The following GDAP2 variants were observed in gnomAD, a reference collection of about 807,000 sequenced individuals.
GDAP2 encodes ganglioside induced differentiation associated protein 2, also known as ganglioside-induced differentiation-associated protein 2.
A neutral mutation model predicts 67.0 loss-of-function variants in GDAP2; 51 were observed. That is an observed-to-expected ratio of 0.76 (90% CI 0.61 to 0.96). The LOEUF (loss-of-function observed/expected upper bound fraction) is 0.96. GDAP2 is among the 40% of genes least tolerant of loss of function. The pLI, the probability that GDAP2 is intolerant of heterozygous loss-of-function variation, is 0.00. For missense variants in GDAP2, 547 were observed against 588.3 expected (o/e 0.93, Z 0.73); for synonymous variants, 203 against 207.3 (o/e 0.98, Z 0.18).
In GDAP2 at chr1:117,869,555, T is replaced by C. The variant is rs1230801848; in HGVS notation, c.*1014A>G. ...TGATACCTCTGTGAGGTAGGCAGCATAATTCTAATTTTTACTCATAACCAA... is the reference window on the plus strand; with the variant it reads ...TGATACCTCTGTGAGGTAGGCAGCACAATTCTAATTTTTACTCATAACCAA... On this transcript the variant is annotated 3_prime_UTR_variant, in exon 14 of 14. Transcript: ENST00000369443. 1 of 152,612 alleles carries C rather than the reference T, an allele frequency of 6.6e-6. No individual in the cohort carries two copies. The highest frequency in any genetic ancestry group is 2.4e-5 in the African/African-American group (1 of 41,446). The allele number at this position is 152,612 out of a possible 1,614,324, so 9.5% of individuals were successfully genotyped here.
chr1:117,910,584 T>C (rs2101153149), intron 5 of GDAP2, among the ~76,000 whole-genome samples: 1 of 152,316 alleles, frequency 6.6e-6, no homozygotes, highest in Non-Finnish European at 1.5e-5. Context: ...TACATTCAAA[T>C]ATCTTTTTGG....
chr1:117,884,661 C>G (rs185315577), intron 10 of GDAP2, among the ~76,000 whole-genome samples: 1 of 152,206 alleles, frequency 6.6e-6, no homozygotes, highest in Admixed American at 6.5e-5. Flanking sequence ...GAACCCCATG[C>G]AAGTACACAC....
intron 8 of GDAP2, among the ~76,000 whole-genome samples, chr1:117,889,658 CAAT>C (rs1289462042): frequency 5.9e-5 from 9 of 151,912 alleles, no homozygotes. Context: ...ATAATAGCAA[CAAT>C]AATTTGTTAA....
At chr1:117,875,652 G>A (rs976540614) in intron 13 of GDAP2, among the ~76,000 whole-genome samples, 1 of 152,226 alleles carries the variant, frequency 6.6e-6, no homozygotes, top group East Asian at 1.9e-4. Flanking sequence ...AAGCCATGGG[G>A]GTGGGGGTGC....
In GDAP2 at chr1:117,866,069, A is replaced by G. The variant is rs1648050439; in HGVS notation, c.*4500T>C. Reference sequence around the variant, plus strand: ...GGGTTTATGATATGACCTAGATTATAGGTATGTTATGAACTGAATGCTTAT... The same window carrying G: ...GGGTTTATGATATGACCTAGATTATGGGTATGTTATGAACTGAATGCTTAT... On this transcript the variant is annotated 3_prime_UTR_variant, in exon 14 of 14. Coordinates refer to ENST00000369443, the MANE Select transcript of GDAP2 (RefSeq NM_017686.4). 1 of 152,218 alleles carries G rather than the reference A, an allele frequency of 6.6e-6. No individual in the cohort carries two copies. The highest frequency in any genetic ancestry group is 2.1e-4 in the South Asian group (1 of 4,832). 9.4% of individuals were successfully genotyped at this position (152,218 alleles called of 1,614,324 possible). A position where few individuals can be genotyped will look rare whatever the true frequency, so the allele number is the denominator to read the frequency against.
At chr1:117,896,207 T>TA (rs1649255874) in intron 8 of GDAP2, among the ~76,000 whole-genome samples, 1 of 152,220 alleles carries the variant, frequency 6.6e-6, no homozygotes, top group South Asian at 2.1e-4. Context: ...CCCTATAAGG[T>TA]AATGGATAGT....
At chr1:117,888,424 A>G (rs1417659711) in intron 8 of GDAP2, among the ~76,000 whole-genome samples, 1 of 152,166 alleles carries the variant, frequency 6.6e-6, no homozygotes, top group Non-Finnish European at 1.5e-5. Flanking sequence ...GAGGATGTTA[A>G]AGCTGGAAGA....
At chr1:117,923,978 T>C (rs1000207536) in intron 1 of GDAP2, among the ~76,000 whole-genome samples, 1 of 152,252 alleles carries the variant, frequency 6.6e-6, no homozygotes, top group African/African-American at 2.4e-5. Context: ...AGTCTGGATA[T>C]TGTTGCTTGC....
intron 13 of GDAP2, among the ~76,000 whole-genome samples, chr1:117,872,662 G>A (rs1254861029): frequency 6.6e-6 from 1 of 151,360 alleles, no homozygotes; most frequent in South Asian, 2.1e-4. Flanking sequence ...GACACAGGGA[G>A]GGGAACACTT....
intron 8 of GDAP2, among the ~76,000 whole-genome samples, chr1:117,888,066 A>T (rs565551734): frequency 6.6e-6 from 1 of 152,330 alleles, no homozygotes; most frequent in East Asian, 1.9e-4. Flanking sequence ...ATTCAAACTA[A>T]CCTTGTTTTA....
At chr1:117,910,365 T>C (rs1649810279) in intron 5 of GDAP2, among the ~76,000 whole-genome samples, 1 of 152,134 alleles carries the variant, frequency 6.6e-6, no homozygotes, top group African/African-American at 2.4e-5. Context: ...GCAAGTACCA[T>C]ATGTCAAGCA....
chr1:117,898,936 T>C (rs961518622), intron 7 of GDAP2, 121 bp downstream of exon 7: 6 of 712,882 alleles, frequency 8.4e-6, no homozygotes, highest in East Asian at 4.9e-5. Flanking sequence ...CTGGTCTTGA[T>C]AGTAGTCATG....
At chr1:117,923,179 T>C (rs959587976) in intron 1 of GDAP2, among the ~76,000 whole-genome samples, 3 of 152,328 alleles carry the variant, frequency 2.0e-5, no homozygotes, top group Admixed American at 6.5e-5. Context: ...AGATTTCATA[T>C]TGTTTAAACA....
intron 8 of GDAP2, among the ~76,000 whole-genome samples, chr1:117,895,266 A>G (rs549691979): frequency 3.9e-5 from 6 of 152,280 alleles, no homozygotes; most frequent in Admixed American, 1.3e-4. Context: ...CCATTTTCCA[A>G]TTAAAATCTC....
chr1:117,896,774 G>T, intron 8 of GDAP2, 59 bp downstream of exon 8: 2 of 1,177,518 alleles, frequency 1.7e-6, no homozygotes, highest in Non-Finnish European at 2.4e-6. Flanking sequence ...TCAGATGCAA[G>T]GTTCCTTTCT....
chr1:117,915,928 G>A (rs1439456073), intron 3 of GDAP2, among the ~76,000 whole-genome samples: 2 of 152,050 alleles, frequency 1.3e-5, no homozygotes, highest in South Asian at 2.1e-4. Context: ...TCAAGTATTT[G>A]AAAATAAGTA....
chr1:117,878,220 A>G (rs887308907), intron 12 of GDAP2, 68 bp from the exon 13 acceptor site: 3 of 785,564 alleles, frequency 3.8e-6, no homozygotes, highest in Non-Finnish European at 4.1e-6. Flanking sequence ...CACAATTTGG[A>G]AAATTTATAG....
rs372822396 is a variant in GDAP2 at position 117,899,324 on chromosome 1, A to G, written c.637-108T>C. ...TGTGAAGACAACCTCCATCAAGAAT[A>G]AAGACTTTACCACTTCTGAGCTCAG... is the stretch of plus-strand genomic sequence containing the variant. On this transcript the variant is annotated intron_variant, in intron 6 of 13. Coordinates refer to ENST00000369443, the MANE Select transcript of GDAP2 (RefSeq NM_017686.4). 2.2e-4 allele frequency: 162 copies of G among 741,076 alleles called. 1 individual carries two copies. Among genetic ancestry groups the G allele is most frequent in the East Asian group, 1.9e-3 (76 of 39,636 alleles). The allele number at this position is 741,076 out of a possible 1,614,324, so 45.9% of individuals were successfully genotyped here.
chr1:117,895,404 A>C (rs764733381), intron 8 of GDAP2, among the ~76,000 whole-genome samples: 6 of 152,162 alleles, frequency 3.9e-5, no homozygotes, highest in Non-Finnish European at 8.8e-5. Context: ...TTAAAAAAAA[A>C]CACTGCTATC....
Sources: allele counts gnomAD v4.1 joint callset (sites outside exome capture counted in the v4.1 genomes callset), GRCh38; gene constraint gnomAD v4.1.1; transcripts MANE v1.5; gene names NCBI Gene and HGNC (gene_info 2026-07-23, HGNC 2026-07-21).